Variants in USP34 observed in about 807,000 individuals in gnomAD.
USP34 encodes ubiquitin carboxyl-terminal hydrolase 34.
A neutral mutation model predicts 460.3 loss-of-function variants in USP34; 70 were observed. That is an observed-to-expected ratio of 0.15 (90% confidence interval 0.13 to 0.19). The LOEUF (loss-of-function observed/expected upper bound fraction) is 0.19. Ranked by LOEUF, USP34 falls within the 10% of genes least tolerant of loss-of-function variation. USP34 has a pLI of 1.00. For missense variants in USP34, 3,985 were observed against 4,236.2 expected (o/e 0.94, Z 1.65); for synonymous variants, 1,647 against 1,405.3 (o/e 1.17, Z -3.85).
At position 61,467,624 on chromosome 2, in the gene USP34, T is replaced by TTTG. The variant is rs1553397178; in HGVS notation, c.43+3025_43+3026insCAA. On this transcript the variant is annotated intron_variant, in intron 1 of 79. Coordinates refer to ENST00000398571, the MANE Select transcript of USP34 (RefSeq NM_014709.4). ...TGGGAGGACTGTAACTTTGTTTTTTTTTTTTTTTTTTTTGAGATGGAGTCT... is the reference window on the plus strand; with the variant it reads ...TGGGAGGACTGTAACTTTGTTTTTTTTTGTTTTTTTTTTTTTGAGATGGAGTCT... Among the ~76,000 whole-genome samples, 1,111 of 143,996 alleles carry TTTG rather than the reference T, an allele frequency of 7.7e-3. 26 individuals are homozygous for TTTG. The highest frequency in any genetic ancestry group is 0.027 in the African/African-American group (1,032 of 38,866). 94.5% of individuals were successfully genotyped at this position (143,996 alleles called of 152,430 possible).
intron 18 of USP34, among the ~76,000 whole-genome samples, chr2:61,335,115 A>G (rs962106161): frequency 6.6e-6 from 1 of 152,236 alleles, no homozygotes; most frequent in Non-Finnish European, 1.5e-5. Context: ...ATAAATTAAT[A>G]AAACACAGAA....
At position 61,187,722 on chromosome 2, in the gene USP34, C is replaced by T; in HGVS notation, c.*380G>A. On this transcript the variant is annotated 3_prime_UTR_variant, in exon 80 of 80. Coordinates refer to ENST00000398571, the MANE Select transcript of USP34 (RefSeq NM_014709.4). ...AAGAACCACAGCGATCGGAGGCAAT[C>T]TGCCTCTATAAGGTACAAAACTGGC... 2.2e-6 allele frequency: 1 copy of T among 450,682 alleles called. No homozygotes were observed. The highest frequency in any genetic ancestry group is 6.0e-5 in the Admixed American group (1 of 16,764). 27.9% of individuals were successfully genotyped at this position (450,682 alleles called of 1,614,324 possible). A position where few individuals can be genotyped will look rare whatever the true frequency, so the allele number is the denominator to read the frequency against.
At chr2:61,293,652 T>A (rs1689929750) in intron 32 of USP34, 102 bp from the exon 33 acceptor site, 2 of 738,254 alleles carry the variant, frequency 2.7e-6, no homozygotes, top group African/African-American at 1.8e-5. Flanking sequence ...ACGTATCTTT[T>A]ATTTACACTA....
chr2:61,222,564 C>T, intron 65 of USP34, 55 bp downstream of exon 65: 1 of 1,411,732 alleles, frequency 7.1e-7, no homozygotes, highest in African/African-American at 1.4e-5. Context: ...CATTTGAAAG[C>T]ATTAGCAGTG....
chr2:61,348,676 T>C (rs773687324), intron 14 of USP34, 80 bp downstream of exon 14: 3 of 1,498,778 alleles, frequency 2.0e-6, no homozygotes, highest in Non-Finnish European at 2.7e-6. Flanking sequence ...ACATGAATTA[T>C]GTATATATAC....
At chr2:61,234,723 T>G (rs374518231) in intron 57 of USP34, among the ~76,000 whole-genome samples, 33 of 152,126 alleles carry the variant, frequency 2.2e-4, no homozygotes, top group Non-Finnish European at 2.8e-4. Flanking sequence ...TCACTGCTTC[T>G]CTGCCTCAAG....
chr2:61,268,315 A>G (rs532422129), intron 41 of USP34, among the ~76,000 whole-genome samples: 19 of 151,612 alleles, frequency 1.3e-4, no homozygotes, highest in South Asian at 1.0e-3. Flanking sequence ...GTGCTCCCCA[A>G]TGTTGGAGGT....
chr2:61,228,818 T>G lies in USP34; in HGVS notation c.7368+9A>C, dbSNP rs751653584. ...GATAATCAAAAAAATAGACAAGATA[T>G]AGCCTCACCTCTTCTTCACCCATTT... is the stretch of plus-strand genomic sequence containing the variant. On this transcript the variant is annotated intron_variant, in intron 60 of 79. Coordinates refer to ENST00000398571, the MANE Select transcript of USP34 (RefSeq NM_014709.4). 5.6e-6 allele frequency: 9 copies of G among 1,595,762 alleles called. No individual in the cohort carries two copies. The highest frequency in any genetic ancestry group is 7.7e-6 in the Non-Finnish European group (9 of 1,172,176).
At chr2:61,302,634 T>G (rs555614895) in intron 27 of USP34, among the ~76,000 whole-genome samples, 1 of 152,344 alleles carries the variant, frequency 6.6e-6, no homozygotes, top group African/African-American at 2.4e-5. Flanking sequence ...AAGGGGTTTT[T>G]CTTTCCCCAA....
chr2:61,435,036 C>T (rs1456776071), intron 1 of USP34, among the ~76,000 whole-genome samples: 1 of 151,958 alleles, frequency 6.6e-6, no homozygotes, highest in Non-Finnish European at 1.5e-5. Flanking sequence ...AAGCACAGCA[C>T]CTCACACCTA....
chr2:61,354,558 C>A (rs901396300), intron 10 of USP34, among the ~76,000 whole-genome samples: 1 of 152,298 alleles, frequency 6.6e-6, no homozygotes, highest in Admixed American at 6.5e-5. Flanking sequence ...TGGTAGCAAC[C>A]ACAAACTCTA....
chr2:61,450,202 G>A (rs1695232498), intron 1 of USP34, among the ~76,000 whole-genome samples: 1 of 152,126 alleles, frequency 6.6e-6, no homozygotes, highest in African/African-American at 2.4e-5. Flanking sequence ...ACAAATATTA[G>A]TATTCCATAT....
At chr2:61,261,996 C>G (rs954145323) in intron 43 of USP34, among the ~76,000 whole-genome samples, 1 of 146,144 alleles carries the variant, frequency 6.8e-6, no homozygotes, top group African/African-American at 2.6e-5. Flanking sequence ...GAGGCTGAGG[C>G]AGGAGAACTG....
intron 65 of USP34, 145 bp downstream of exon 65, chr2:61,222,474 A>C: frequency 1.7e-6 from 1 of 600,680 alleles, no homozygotes; most frequent in Non-Finnish European, 2.9e-6. Flanking sequence ...AGTTCATTTT[A>C]TTCACATTAT....
At chr2:61,237,690 T>G (rs1307346684) in intron 53 of USP34, among the ~76,000 whole-genome samples, 2 of 146,752 alleles carry the variant, frequency 1.4e-5, no homozygotes, top group East Asian at 4.3e-4. Context: ...CACCTCAACC[T>G]CCTGAGCAGC....
At chr2:61,371,521 G>A (rs1429912117) in intron 8 of USP34, among the ~76,000 whole-genome samples, 5 of 150,850 alleles carry the variant, frequency 3.3e-5, no homozygotes, top group Non-Finnish European at 5.9e-5. Context: ...GCCATACAAC[G>A]TGTTTGTGTT....
chr2:61,443,285 C>A (rs1224508540), intron 1 of USP34, among the ~76,000 whole-genome samples: 1 of 151,880 alleles, frequency 6.6e-6, no homozygotes, highest in African/African-American at 2.4e-5. Flanking sequence ...TACAAAGAGG[C>A]CACAGAAGGT....
chr2:61,211,793 G>C lies in USP34; in HGVS notation c.8819C>G (p.Ser2940Cys). 1 of 1,586,916 alleles carries C rather than the reference G, an allele frequency of 6.3e-7. No homozygotes were observed. ...SCYLRCLDGRSCWTTLISAFR... is the reference protein window; with the variant it reads ...SCYLRCLDGRCCWTTLISAFR... ...TTACCTTATTAAAGTAGTCCAGCAG[G>C]AGCGGCCATCTAAGCAACGTAAGTA... The change falls in exon 69 of 80, where the codon TCC becomes TGC. Residue 2940 changes from serine (S) to cysteine (C), a missense_variant. Coordinates refer to ENST00000398571, the MANE Select transcript of USP34 (RefSeq NM_014709.4).
At chr2:61,442,476 T>C (rs1184008285) in intron 1 of USP34, among the ~76,000 whole-genome samples, 1 of 150,248 alleles carries the variant, frequency 6.7e-6, no homozygotes, top group African/African-American at 2.4e-5. Context: ...TCTCAAAGAT[T>C]ATATACAAAT....
Sources: gnomAD v4.1 joint callset for allele counts (sites outside exome capture counted in the v4.1 genomes callset) on GRCh38, gnomAD v4.1.1 for gene constraint, MANE v1.5 for transcripts, NCBI Gene and HGNC (gene_info 2026-07-23, HGNC 2026-07-21) for gene names.